The following SSBP4 variants were observed in gnomAD, a reference collection of about 807,000 sequenced individuals.
SSBP4 encodes the protein single stranded DNA binding protein 4.
In SSBP4, 33 loss-of-function variants were observed where a neutral mutation model predicts 64.6. The ratio of observed to expected loss-of-function variants is 0.51; its 90% CI spans 0.39 to 0.68. SSBP4 has a LOEUF of 0.68. Ranked by LOEUF, SSBP4 falls within the 30% of genes least tolerant of loss-of-function variation. SSBP4 has a pLI of 0.00. For missense variants in SSBP4, 583 were observed against 566.8 expected (o/e 1.03, Z -0.29); for synonymous variants, 243 against 224.0 (o/e 1.08, Z -0.76).
chr19:18,425,250 G>T (rs188434165), intron 1 of SSBP4, among the ~76,000 whole-genome samples: 1 of 152,110 alleles, frequency 6.6e-6, no homozygotes, highest in Non-Finnish European at 1.5e-5. Flanking sequence ...CGTGCCCTGG[G>T]TGTGGGGTAC....
the SSBP4 span, among the ~76,000 whole-genome samples, chr19:18,411,993 CCACACA>C: frequency 4.4e-3 from 667 of 151,934 alleles, 2 homozygotes; most frequent in Non-Finnish European, 6.1e-3. Context: ...GTCAGACCCC[CCACACA>C]CACACACAAA....
chr19:18,411,408 T>C, the SSBP4 span, among the ~76,000 whole-genome samples: 11 of 152,052 alleles, frequency 7.2e-5, no homozygotes, highest in African/African-American at 2.7e-4. Context: ...GGCAGGAGAA[T>C]TGCTTGAACC....
upstream of SSBP4, among the ~76,000 whole-genome samples, chr19:18,415,668 G>A (rs983761128): frequency 2.0e-5 from 3 of 152,168 alleles, no homozygotes; most frequent in Admixed American, 2.0e-4. Flanking sequence ...GGCCAAAGGA[G>A]GAGCCTCAGT....
rs1229947864 is a variant in SSBP4 at position 18,423,065 on chromosome 19, T to G, written c.59+3358T>G. Among the ~76,000 whole-genome samples, 1 of 152,140 alleles carries G rather than the reference T, an allele frequency of 6.6e-6. No individual in the cohort carries two copies. The highest frequency in any genetic ancestry group is 1.5e-5 in the Non-Finnish European group (1 of 68,016). On this transcript the variant is annotated intron_variant, in intron 1 of 17. Transcript: ENST00000270061. This position sits in a 1 kb window ranked among gnomAD's most constrained non-coding sequence, Gnocchi z 4.0. ...GGCTCGCAGCAGATGGCAGTGACTG[T>G]GGAGTGCAGGGGCAGCAGAGTGGGC...
At chr19:18,430,042 C>T (rs541481611) in intron 4 of SSBP4, among the ~76,000 whole-genome samples, 18 of 152,348 alleles carry the variant, frequency 1.2e-4, no homozygotes, top group Admixed American at 1.1e-3. Flanking sequence ...CCACAAACAC[C>T]TGAGTGTCCC....
chr19:18,413,846 G>A, the SSBP4 span, among the ~76,000 whole-genome samples: 2 of 152,170 alleles, frequency 1.3e-5, no homozygotes, highest in Admixed American at 1.3e-4. Context: ...GTGAAACCCC[G>A]TCTCTACTAA....
Position 18,427,727 on chromosome 19 carries a change from C to T in SSBP4, c.133-25C>T. ...GGGGCAGGGTCAGGTAGGGCCACCC[C>T]CTCACCACCTTCCTTTCCCTGCAGA... On this transcript the variant is annotated intron_variant, in intron 2 of 17. Transcript: ENST00000270061. This position sits in a 1 kb window ranked among gnomAD's most constrained non-coding sequence, Gnocchi z 4.4. 2 of 1,564,382 alleles carry T rather than the reference C, an allele frequency of 1.3e-6. No homozygotes were observed. Among genetic ancestry groups the T allele is most frequent in the Non-Finnish European group, 1.7e-6 (2 of 1,149,880 alleles).
rs777386024 is a variant in SSBP4 at position 18,434,255 on chromosome 19, C to T, written c.*9C>T. 1.9e-6 allele frequency: 3 copies of T among 1,611,086 alleles called. No individual in the cohort carries two copies. In the African/African-American group the frequency reaches 4.0e-5, roughly 22 times the overall value. On this transcript the variant is annotated 3_prime_UTR_variant, in exon 18 of 18. Coordinates refer to ENST00000270061, the MANE Select transcript of SSBP4 (RefSeq NM_032627.5). ...TGACCATGAGCGTGTGATGGGGCGG[C>T]AGCCCCGGGCCTCTCTGCGGGCCTA...
rs982168606 is a variant in SSBP4 at position 18,422,788 on chromosome 19, C to T, written c.59+3081C>T. Among the ~76,000 whole-genome samples, 3 of 152,242 alleles carry T rather than the reference C, an allele frequency of 2.0e-5. No homozygotes were observed. In the East Asian group the frequency reaches 5.8e-4, roughly 29 times the overall value. On this transcript the variant is annotated intron_variant, in intron 1 of 17. Coordinates refer to ENST00000270061, the MANE Select transcript of SSBP4 (RefSeq NM_032627.5). ...CTTCCTGCCTCTGGGCCTCGGTTTC[C>T]TTCTCTGTGAAATGGGGTGAAGAGG...
upstream of SSBP4, among the ~76,000 whole-genome samples, chr19:18,417,907 G>T (rs1305980009): frequency 6.6e-6 from 1 of 152,076 alleles, no homozygotes; most frequent in Admixed American, 6.5e-5. This position sits in a 1 kb window ranked among gnomAD's most constrained non-coding sequence, Gnocchi z 5.4. Context: ...GTACTGGGGG[G>T]CGGCCTCTAT....
chr19:18,429,521 G>A (rs988661546), intron 4 of SSBP4, among the ~76,000 whole-genome samples: 35 of 152,034 alleles, frequency 2.3e-4, no homozygotes, highest in African/African-American at 8.0e-4. Flanking sequence ...TCAGGCACCC[G>A]CTGTGGCCCG....
intron 15 of SSBP4, 43 bp downstream of exon 15, chr19:18,433,256 C>T: frequency 1.3e-6 from 2 of 1,534,612 alleles, no homozygotes; most frequent in Middle Eastern, 3.4e-4. Context: ...CCTTCCGGGC[C>T]CGTGCGCTCC....
At chr19:18,432,435 C>T in intron 10 of SSBP4, 124 bp from the exon 11 acceptor site, 3 of 1,431,130 alleles carry the variant, frequency 2.1e-6, no homozygotes, top group South Asian at 1.3e-5. Flanking sequence ...GCCACTTTTC[C>T]AGCAACATCT....
At chr19:18,410,846 A>G in the SSBP4 span, among the ~76,000 whole-genome samples, 2 of 152,138 alleles carry the variant, frequency 1.3e-5, no homozygotes, top group African/African-American at 4.8e-5. Flanking sequence ...GCAACTCCGT[A>G]GACCACACAG....
intron 1 of SSBP4, among the ~76,000 whole-genome samples, chr19:18,421,300 C>T (rs1298915813): frequency 6.6e-6 from 1 of 152,220 alleles, no homozygotes; most frequent in Non-Finnish European, 1.5e-5. Context: ...TTCCAAGCAC[C>T]CTTAAGCCCA....
Position 18,432,518 on chromosome 19 carries a change from A to G in SSBP4, c.705-41A>G, listed in dbSNP as rs370800510. The G allele has an allele frequency of 4.5e-6, 7 of 1,540,914 alleles. No homozygotes were observed. The African/African-American group carries it at 8.2e-5, about 18-fold the overall frequency. On this transcript the variant is annotated intron_variant, in intron 10 of 17. Transcript: ENST00000270061. Reference sequence around the variant, plus strand: ...GTGTGTGGTGAGGGCTGTGATCCACATGGACTAGCCCCAGAGTCTGTCATC... The same window carrying G: ...GTGTGTGGTGAGGGCTGTGATCCACGTGGACTAGCCCCAGAGTCTGTCATC...
At position 18,423,863 on chromosome 19, in the gene SSBP4, G is replaced by A. The variant is rs1283263198; in HGVS notation, c.60-3488G>A. Reference sequence around the variant, plus strand: ...GTGACAGGCCCTGAGAGGTTGTACCGGCCCAGGGCAGGTGGCCGGTGGGGG... The same window carrying A: ...GTGACAGGCCCTGAGAGGTTGTACCAGCCCAGGGCAGGTGGCCGGTGGGGG... On this transcript the variant is annotated intron_variant, in intron 1 of 17. Transcript: ENST00000270061. The surrounding 1 kb of genome is among the most constrained non-coding windows in gnomAD (Gnocchi z 4.0). 2.6e-5 allele frequency among the ~76,000 whole-genome samples: 4 copies of A among 152,090 alleles called. No homozygotes were observed. Among genetic ancestry groups the A allele is most frequent in the East Asian group, 1.9e-4 (1 of 5,160 alleles).
chr19:18,431,648 C>T lies in SSBP4; in HGVS notation c.437C>T (p.Pro146Leu), dbSNP rs1281282548. 6.5e-7 allele frequency: 1 copy of T among 1,550,132 alleles called. No individual in the cohort carries two copies. Among genetic ancestry groups the T allele is most frequent in the Non-Finnish European group, 8.7e-7 (1 of 1,147,112 alleles). The change falls in exon 7 of 18, where the codon CCC becomes CTC. Residue 146 changes from proline (P) to leucine (L), a missense_variant and splice_region_variant. This residue lies in a region of SSBP4 where 444 missense variants were observed against 386.6 expected (regional missense o/e 1.15). Transcript: ENST00000270061. ...NAPMMGPHGQ[P>L]FMSPRFPGGP... is the part of the protein sequence containing the mutation. ...CTGATCCCCGCCCACCTCTTCCAGC[C>T]CTTCATGTCACCGCGCTTCCCAGGG...
intron 1 of SSBP4, among the ~76,000 whole-genome samples, chr19:18,421,230 G>A (rs1003232452): frequency 1.3e-5 from 2 of 152,256 alleles, no homozygotes; most frequent in Non-Finnish European, 2.9e-5. Context: ...AAGGTGGTAG[G>A]CAAATGACTG....
Sources: allele counts gnomAD v4.1 joint callset (sites outside exome capture counted in the v4.1 genomes callset), GRCh38; gene constraint gnomAD v4.1.1; regional missense constraint gnomAD v4.1.1; non-coding constraint Gnocchi (gnomAD v3.1); transcripts MANE v1.5; gene names NCBI Gene and HGNC (gene_info 2026-07-23, HGNC 2026-07-21).